FLNB: variants seen among roughly 807,000 people sequenced by gnomAD.
FLNB encodes the protein filamin B.
In FLNB, 111 loss-of-function variants were observed where a neutral mutation model predicts 250.6. That is an observed-to-expected ratio of 0.44 (90% CI 0.38 to 0.52). FLNB has a LOEUF of 0.52. FLNB is among the 20% of genes least tolerant of loss of function. FLNB has a pLI of 0.00. For missense variants in FLNB, 2,869 were observed against 3,447.8 expected, an observed-to-expected ratio of 0.83 and a Z score of 4.20; for synonymous variants, 1,302 against 1,372.1, an observed-to-expected ratio of 0.95 and a Z score of 1.13.
chr3:58,126,685 G>C lies in FLNB; in HGVS notation c.4145G>C (p.Ser1382Thr). ...KINCRDNKDG[S>T]CSAEYIPFAP... ...AATTGCAGAGACAACAAGGATGGCA[G>C]CTGCAGTGCTGAGTACATTCCTTTC... is the stretch of plus-strand genomic sequence containing the variant. The change falls in exon 24 of 46, where the codon AGC (serine) becomes ACC (threonine). Residue 1382 changes from serine to threonine, a missense_variant. By Grantham distance (58) the Ser-to-Thr change is moderately conservative. Coordinates refer to ENST00000295956, the MANE Select transcript of FLNB (RefSeq NM_001457.4). The C allele has an allele frequency of 6.2e-7, 1 of 1,613,614 alleles. No homozygotes were observed. The highest frequency in any genetic ancestry group is 8.5e-7 in the Non-Finnish European group (1 of 1,179,514).
At chr3:58,025,848 C>T (rs939050058) in intron 1 of FLNB, among the ~76,000 whole-genome samples, 1 of 152,188 alleles carries the variant, frequency 6.6e-6, no homozygotes, top group Admixed American at 6.5e-5. Context: ...ATCGCTAGAA[C>T]CTGGGAGGCG....
At chr3:58,089,420 C>A (rs1350026596) in intron 4 of FLNB, among the ~76,000 whole-genome samples, 1 of 151,702 alleles carries the variant, frequency 6.6e-6, no homozygotes, top group Non-Finnish European at 1.5e-5. Flanking sequence ...GTGGTGGGCA[C>A]CTGTAATCCC....
chr3:58,108,432 A>G (rs2097263266), intron 12 of FLNB, 26 bp from the exon 13 acceptor site: 2 of 1,471,210 alleles, frequency 1.4e-6, no homozygotes, highest in African/African-American at 2.8e-5. Context: ...ACACAGAAAG[A>G]GACTTACTAT....
Position 58,123,537 on chromosome 3 carries a change from G to A in FLNB, c.3571G>A (p.Ala1191Thr), listed in dbSNP as rs772573480. The change falls in exon 21 of 46, where the codon GCG becomes ACG. Residue 1191 changes from alanine to threonine, a missense_variant. Physicochemically the swap from Ala to Thr is moderately conservative, Grantham distance 58. Coordinates refer to ENST00000295956, the MANE Select transcript of FLNB (RefSeq NM_001457.4). Reference protein sequence around the residue: ...SIQNNKDGTYAVTYVPLTAGM... With the variant: ...SIQNNKDGTYTVTYVPLTAGM... ...TCAGAACAACAAAGATGGCACCTAC[G>A]CGGTGACCTACGTGCCCCTGACGGC... 17 of 1,607,128 alleles carry A rather than the reference G, an allele frequency of 1.1e-5. No individual in the cohort carries two copies. The highest frequency in any genetic ancestry group is 4.5e-5 in the East Asian group (2 of 44,804).
intron 4 of FLNB, among the ~76,000 whole-genome samples, chr3:58,092,795 GA>G (rs1055181003): frequency 3.9e-5 from 6 of 152,122 alleles, no homozygotes; most frequent in South Asian, 2.1e-4. Flanking sequence ...CACAGCTAAA[GA>G]AAAAAAACTT....
intron 1 of FLNB, among the ~76,000 whole-genome samples, chr3:58,067,330 T>C (rs888478490): frequency 9.2e-5 from 14 of 152,156 alleles, no homozygotes; most frequent in African/African-American, 3.4e-4. Flanking sequence ...GTCAACTTTA[T>C]ATTAACTGAA....
At position 58,105,049 on chromosome 3, in the gene FLNB, T is replaced by C. The variant is rs367868399; in HGVS notation, c.1611-31T>C. 2.1e-5 allele frequency: 34 copies of C among 1,614,072 alleles called. No individual in the cohort carries two copies. In the African/African-American group the frequency reaches 4.0e-4, roughly 19 times the overall value. ...ATAGTGACACCTTACTTTACTCTTC[T>C]TTGATGCTTCTTCTATTCCTTTCCC... On this transcript the variant is annotated intron_variant, in intron 10 of 45. Coordinates refer to ENST00000295956, the MANE Select transcript of FLNB (RefSeq NM_001457.4).
At chr3:58,027,049 C>T (rs531755611) in intron 1 of FLNB, among the ~76,000 whole-genome samples, 9 of 152,096 alleles carry the variant, frequency 5.9e-5, no homozygotes, top group African/African-American at 1.9e-4. Context: ...CTGATGTTAA[C>T]CCACTCCCCT....
rs745611001 is a variant in FLNB at position 58,078,668 on chromosome 3, T to A, written c.542-49T>A. On this transcript the variant is annotated intron_variant, in intron 2 of 45. Transcript: ENST00000295956. ...AGTTTAGGCACATGGTTTCCTTTAA[T>A]CTCTTTGGTCAGCTAATGCTAAAAG... 1.9e-6 allele frequency: 3 copies of A among 1,566,558 alleles called. No homozygotes were observed. In the South Asian group the frequency reaches 3.4e-5, roughly 18 times the overall value.
Position 58,131,979 on chromosome 3 carries a change from G to A in FLNB, c.4391-829G>A, listed in dbSNP as rs552286156. ...GCAGCCCCTTGAAAGCCCTTTCAGA[G>A]TTCTTTAAAGGTGACCCGAAGGGTG... is the stretch of plus-strand genomic sequence containing the variant. On this transcript the variant is annotated intron_variant, in intron 25 of 45. Coordinates refer to ENST00000295956, the MANE Select transcript of FLNB (RefSeq NM_001457.4). The A allele has an allele frequency of 2.4e-5, 37 of 1,537,194 alleles. No individual in the cohort carries two copies. The East Asian group carries it at 9.0e-4, about 38-fold the overall frequency.
chr3:58,109,727 G>T, intron 15 of FLNB, 28 bp downstream of exon 15: 1 of 1,613,980 alleles, frequency 6.2e-7, no homozygotes, highest in South Asian at 1.1e-5. Context: ...TCAACCCAGT[G>T]ATCATTGCTC....
chr3:58,040,357 A>G (rs1478786521), intron 1 of FLNB, among the ~76,000 whole-genome samples: 2 of 151,990 alleles, frequency 1.3e-5, no homozygotes, highest in African/African-American at 4.8e-5. Context: ...CAGCAACATG[A>G]TAGCTGTTTG....
chr3:58,100,873 AC>A, intron 8 of FLNB, among the ~76,000 whole-genome samples: 1 of 151,782 alleles, frequency 6.6e-6, no homozygotes, highest in East Asian at 1.9e-4. Flanking sequence ...TGCTGGGTTT[AC>A]AGGCATAAGC....
rs1165086385 is a variant in FLNB at position 58,170,613 on chromosome 3, A to AC, written c.7665dup (p.Cys2556LeufsTer68). On this transcript the variant is annotated frameshift_variant, in exon 46 of 46. Coordinates refer to ENST00000295956, the MANE Select transcript of FLNB (RefSeq NM_001457.4). LOFTEE classifies it high-confidence loss of function. Reference sequence around the variant, plus strand: ...GCTGATCGGGGTCCATGGGCCCACCACCCCCTGCGAGGAGGTCTCCATGAA... The same window carrying AC: ...GCTGATCGGGGTCCATGGGCCCACCACCCCCCTGCGAGGAGGTCTCCATGAA... 6.2e-7 allele frequency: 1 copy of AC among 1,613,602 alleles called. No individual in the cohort carries two copies. The highest frequency in any genetic ancestry group is 1.1e-5 in the South Asian group (1 of 91,038).
At chr3:58,124,608 T>C in intron 22 of FLNB, 103 bp downstream of exon 22, 1 of 1,239,384 alleles carries the variant, frequency 8.1e-7, no homozygotes, top group Non-Finnish European at 1.2e-6. Flanking sequence ...TAGGCCTGTC[T>C]CAGCAGGGCC....
At chr3:58,063,117 G>A (rs908498032) in intron 1 of FLNB, among the ~76,000 whole-genome samples, 2 of 152,148 alleles carry the variant, frequency 1.3e-5, no homozygotes, top group Non-Finnish European at 1.5e-5. Context: ...TTGCCAAGTC[G>A]CTGTGCTTGG....
At chr3:58,133,009 A>G (rs1575440608) in intron 26 of FLNB, 78 bp downstream of exon 26, 1 of 1,479,758 alleles carries the variant, frequency 6.8e-7, no homozygotes, top group East Asian at 2.4e-5. Context: ...CAGTCCATCC[A>G]CCCATCCGTT....
At chr3:58,147,133 G>A (rs1220394418) in intron 34 of FLNB, 140 bp downstream of exon 34, 1 of 813,304 alleles carries the variant, frequency 1.2e-6, no homozygotes, top group Non-Finnish European at 2.0e-6. Context: ...AGGAGGAGCA[G>A]GGGATGGAAT....
At chr3:58,095,028 T>A (rs2097235747) in intron 5 of FLNB, 74 bp downstream of exon 5, 2 of 1,135,188 alleles carry the variant, frequency 1.8e-6, no homozygotes, top group Admixed American at 3.4e-5. Flanking sequence ...GGCCAGGGAC[T>A]GTGCCTCCAT....
Sources: allele counts gnomAD v4.1 joint callset (sites outside exome capture counted in the v4.1 genomes callset), GRCh38; gene constraint gnomAD v4.1.1; transcripts MANE v1.5; gene names NCBI Gene and HGNC (gene_info 2026-07-23, HGNC 2026-07-21).